Variants in DNAH6 observed in about 807,000 individuals in gnomAD.
DNAH6 encodes the protein dynein axonemal heavy chain 6.
A neutral mutation model predicts 491.4 loss-of-function variants in DNAH6; 340 were observed. The observed-to-expected ratio is 0.69, with a 90% confidence interval of 0.63 to 0.76. The LOEUF (loss-of-function observed/expected upper bound fraction) is 0.76. Among genes scored for constraint, DNAH6 ranks in the 30% least tolerant of loss-of-function variants. The pLI, the probability that DNAH6 is intolerant of heterozygous loss-of-function variation, is 0.00. For synonymous variants in DNAH6, 1,603 were observed against 1,686.1 expected (o/e 0.95, Z 1.21); for missense variants, 4,443 against 4,972.2 (o/e 0.89, Z 3.20).
At position 84,747,275 on chromosome 2, in the gene DNAH6, G is replaced by A. The variant is rs770287793; in HGVS notation, c.10512+2026G>A. Among the ~76,000 whole-genome samples, 6 of 152,160 alleles carry A rather than the reference G, an allele frequency of 3.9e-5. No homozygotes were observed. The East Asian group carries it at 7.7e-4, about 20-fold the overall frequency. On this transcript the variant is annotated intron_variant, in intron 63 of 76. Transcript: ENST00000389394. Reference sequence around the variant, plus strand: ...CCCAAGGCAAGTTCCTTCCACCTACGAACCCATGAGATCAAAAACAAGTTA... The same window carrying A: ...CCCAAGGCAAGTTCCTTCCACCTACAAACCCATGAGATCAAAAACAAGTTA...
At chr2:84,646,486 C>G (rs917032527) in intron 33 of DNAH6, among the ~76,000 whole-genome samples, 3 of 152,194 alleles carry the variant, frequency 2.0e-5, no homozygotes, top group Admixed American at 1.3e-4. Flanking sequence ...AGGCTGAAAG[C>G]TAGGCCTCTT....
intron 41 of DNAH6, among the ~76,000 whole-genome samples, chr2:84,679,973 A>T (rs1351129868): frequency 1.3e-5 from 2 of 152,206 alleles, no homozygotes; most frequent in Non-Finnish European, 2.9e-5. Context: ...TATATAAATA[A>T]AATTATCAGC....
At chr2:84,498,312 C>G in the DNAH6 span, among the ~76,000 whole-genome samples, 4 of 152,184 alleles carry the variant, frequency 2.6e-5, no homozygotes, top group East Asian at 7.7e-4. Context: ...AGACATCACC[C>G]TGTCTTTAGA....
chr2:84,791,602 A>G (rs897675693), intron 68 of DNAH6, among the ~76,000 whole-genome samples: 8 of 151,628 alleles, frequency 5.3e-5, no homozygotes, highest in African/African-American at 9.7e-5. Flanking sequence ...TTAGATTGCA[A>G]TGATGGTTGG....
chr2:84,707,326 A>T (rs1326628321), intron 53 of DNAH6, among the ~76,000 whole-genome samples, 194 bp from the exon 54 acceptor site: 1 of 152,256 alleles, frequency 6.6e-6, no homozygotes, highest in Non-Finnish European at 1.5e-5. Context: ...AGAGTTTTCG[A>T]TAAGGAAAAG....
In DNAH6 at chr2:84,518,060, A is replaced by C. The variant is rs771119194; in HGVS notation, c.225+9A>C. 6.5e-7 allele frequency: 1 copy of C among 1,533,244 alleles called. No homozygotes were observed. The highest frequency in any genetic ancestry group is 2.4e-5 in the East Asian group (1 of 40,824). The allele number at this position is 1,533,244 out of a possible 1,614,324, so 95.0% of individuals were successfully genotyped here. On this transcript the variant is annotated intron_variant, in intron 2 of 76. Coordinates refer to ENST00000389394, the MANE Select transcript of DNAH6 (RefSeq NM_001370.2). ...TAAAACTAGAGCCTTTGGTAAGTTC[A>C]AAAACCATTGTTTTAGCCTCTGTAG...
At chr2:84,550,745 C>G (rs1459811545) in intron 9 of DNAH6, among the ~76,000 whole-genome samples, 1 of 152,036 alleles carries the variant, frequency 6.6e-6, no homozygotes, top group Admixed American at 6.6e-5. Context: ...TCTTTGTCCC[C>G]AAAAGCTTAT....
rs1313000164 is a variant in DNAH6, at chr2:84,666,747, A to G, written c.6085-2542A>G. ...TTTCTTCACAGAAGTGGAAGAAACT[A>G]CTTTAAAGTTCATATGGAACCAAAA... On this transcript the variant is annotated intron_variant, in intron 37 of 76. Coordinates refer to ENST00000389394, the MANE Select transcript of DNAH6 (RefSeq NM_001370.2). 1.6e-4 allele frequency among the ~76,000 whole-genome samples: 25 copies of G among 152,224 alleles called. 1 individual carries two copies. Among genetic ancestry groups the G allele is most frequent in the East Asian group, 1.9e-4 (1 of 5,202 alleles).
chr2:84,670,343 G>C lies in DNAH6; in HGVS notation c.6322G>C (p.Gly2108Arg). The C allele has an allele frequency of 2.0e-6, 3 of 1,530,858 alleles. No homozygotes were observed. Among genetic ancestry groups the C allele is most frequent in the Non-Finnish European group, 2.6e-6 (3 of 1,135,644 alleles). The allele number at this position is 1,530,858 out of a possible 1,614,324, so 94.8% of individuals were successfully genotyped here. A position where few individuals can be genotyped will look rare whatever the true frequency, so the allele number is the denominator to read the frequency against. Residue 2108 changes from glycine (G) to arginine (R), a missense_variant, in exon 39 of 77, where the codon GGA becomes CGA. Physicochemically the swap from Gly to Arg is moderately radical, Grantham distance 125 (BLOSUM62 -2). Around this residue, in one of 3 missense-constraint regions of DNAH6, gnomAD observed 2,977 missense variants for 3,296.6 expected, o/e 0.90. Transcript: ENST00000389394. ...TGVGKSVIAK[G>R]LLNKIQESAG... ...TTAATTTAAGTCTGTGATTGCAAAA[G>C]GATTGCTAAATAAAATTCAAGAATC...
At position 84,805,806 on chromosome 2, in the gene DNAH6, T is replaced by C; in HGVS notation, c.11611+12T>C. On this transcript the variant is annotated intron_variant, in intron 71 of 76. Coordinates refer to ENST00000389394, the MANE Select transcript of DNAH6 (RefSeq NM_001370.2). ...GACCAGAGTTCCAGGTAATAAATAA[T>C]TCTAGGAATCTGTATGTAATGGGAA... The C allele has an allele frequency of 6.5e-7, 1 of 1,546,828 alleles. No individual in the cohort carries two copies. The highest frequency in any genetic ancestry group is 8.7e-7 in the Non-Finnish European group (1 of 1,145,072).
chr2:84,537,042 T>C (rs1460702), intron 4 of DNAH6, among the ~76,000 whole-genome samples: 140,155 of 152,068 alleles, frequency 0.92, 64,807 homozygotes, highest in East Asian at 1. Flanking sequence ...AAAATGTTAT[T>C]ATTGCATGGG....
chr2:84,509,642 T>G, the DNAH6 span, among the ~76,000 whole-genome samples: 6 of 152,102 alleles, frequency 3.9e-5, no homozygotes, highest in African/African-American at 9.7e-5. Context: ...TATTTTGCTC[T>G]TTAGTTGATG....
At chr2:84,739,738 TC>T (rs1222436709) in intron 62 of DNAH6, among the ~76,000 whole-genome samples, 1 of 152,204 alleles carries the variant, frequency 6.6e-6, no homozygotes, top group Non-Finnish European at 1.5e-5. Flanking sequence ...GTCTTTCATA[TC>T]TTCTGTTCTG....
chr2:84,761,776 A>T (rs1452168831), intron 63 of DNAH6, among the ~76,000 whole-genome samples: 1 of 139,866 alleles, frequency 7.1e-6, no homozygotes, highest in Non-Finnish European at 1.6e-5. Flanking sequence ...AGCATTACAT[A>T]CACACACACA....
chr2:84,668,157 T>C (rs1466941981), intron 37 of DNAH6, among the ~76,000 whole-genome samples: 1 of 152,134 alleles, frequency 6.6e-6, no homozygotes, highest in Non-Finnish European at 1.5e-5. Flanking sequence ...AGTTAACAGG[T>C]GCAGGGCACC....
At chr2:84,611,922 G>A (rs1686378625) in intron 22 of DNAH6, 68 bp downstream of exon 22, 2 of 1,367,144 alleles carry the variant, frequency 1.5e-6, no homozygotes, top group Admixed American at 5.5e-5. Flanking sequence ...TTTAGTCCCA[G>A]ACTAAAATGT....
At chr2:84,665,829 G>A (rs185090303) in intron 37 of DNAH6, among the ~76,000 whole-genome samples, 4 of 152,276 alleles carry the variant, frequency 2.6e-5, no homozygotes, top group African/African-American at 9.6e-5. Flanking sequence ...TATCCCTGAT[G>A]AACACTGATG....
At chr2:84,628,645 G>A (rs1688104439) in intron 29 of DNAH6, among the ~76,000 whole-genome samples, 1 of 152,164 alleles carries the variant, frequency 6.6e-6, no homozygotes, top group Non-Finnish European at 1.5e-5. Context: ...TACCTTCCCA[G>A]CATTCCTCTG....
At chr2:84,722,524 C>A in intron 59 of DNAH6, 101 bp from the exon 60 acceptor site, 1 of 1,011,304 alleles carries the variant, frequency 9.9e-7, no homozygotes, top group Non-Finnish European at 1.4e-6. Context: ...CCAACTCATT[C>A]TATCCTTATT....
Sources: allele counts gnomAD v4.1 joint callset (sites outside exome capture counted in the v4.1 genomes callset), GRCh38; gene constraint gnomAD v4.1.1; regional missense constraint gnomAD v4.1.1; transcripts MANE v1.5; gene names NCBI Gene and HGNC (gene_info 2026-07-23, HGNC 2026-07-21).